The following SCRG1 variants were observed in gnomAD, a reference collection of about 807,000 sequenced individuals.
The protein encoded by SCRG1 is stimulator of chondrogenesis 1, also known as scrapie-responsive protein 1.
A neutral mutation model predicts 7.7 loss-of-function variants in SCRG1; 3 were observed. That is an observed-to-expected ratio of 0.39 (90% CI 0.18 to 1.01). The LOEUF is 1.01. Among genes scored for constraint, SCRG1 ranks in the 50% least tolerant of loss-of-function variants. The probability of loss-of-function intolerance (pLI) is 0.36; values close to 1 mark genes in which losing one functional copy is unlikely to be tolerated. For missense variants in SCRG1, 110 were observed against 117.2 expected, an observed-to-expected ratio of 0.94 and a Z score of 0.28; for synonymous variants, 46 against 41.2, an observed-to-expected ratio of 1.12 and a Z score of -0.44.
chr4:173,415,153 C>G, the SCRG1 span, among the ~76,000 whole-genome samples: 1 of 152,194 alleles, frequency 6.6e-6, no homozygotes, highest in Admixed American at 6.5e-5. Flanking sequence ...TGTGAATAGT[C>G]TCTCAAAATA....
At chr4:173,395,973 A>G (rs1739590977) in intron 1 of SCRG1, among the ~76,000 whole-genome samples, 1 of 152,232 alleles carries the variant, frequency 6.6e-6, no homozygotes, top group African/African-American at 2.4e-5. Context: ...CAGTAGCATG[A>G]TCTGATTTAT....
the SCRG1 span, among the ~76,000 whole-genome samples, chr4:173,464,889 C>G: frequency 3.3e-5 from 5 of 152,262 alleles, no homozygotes; most frequent in African/African-American, 4.8e-5. Flanking sequence ...TATGTACATG[C>G]AATGGGACAT....
At position 173,386,648 on chromosome 4, in the gene SCRG1, A is replaced by G. The variant is rs1022925222; in HGVS notation, c.*1693T>C. On this transcript the variant is annotated 3_prime_UTR_variant, in exon 3 of 3. Transcript: ENST00000296506. ...TCCAGAAACAGATCAGGGACCTCCA[A>G]GGATATATTTTAATGAAATAATGTC... 6.6e-6 allele frequency: 1 copy of G among 152,178 alleles called. No homozygotes were observed. Among genetic ancestry groups the G allele is most frequent in the African/African-American group, 2.4e-5 (1 of 41,450 alleles). The allele number at this position is 152,178 out of a possible 1,614,324, so 9.4% of individuals were successfully genotyped here.
At chr4:173,443,167 C>T in the SCRG1 span, among the ~76,000 whole-genome samples, 2 of 152,094 alleles carry the variant, frequency 1.3e-5, no homozygotes, top group African/African-American at 4.8e-5. Flanking sequence ...TACCTTCTAC[C>T]ATGAATGCTT....
At chr4:173,513,539 G>A in the SCRG1 span, among the ~76,000 whole-genome samples, 1 of 152,306 alleles carries the variant, frequency 6.6e-6, no homozygotes, top group East Asian at 1.9e-4. Flanking sequence ...ACCATTTCTA[G>A]GGAAAGGTCT....
the SCRG1 span, among the ~76,000 whole-genome samples, chr4:173,508,869 G>C: frequency 5.9e-5 from 9 of 152,170 alleles, no homozygotes; most frequent in African/African-American, 2.2e-4. The surrounding 1 kb of genome is among the most constrained non-coding windows in gnomAD (Gnocchi z 4.4). Context: ...GATAAGTGCC[G>C]CTACATTTGT....
At chr4:173,435,128 G>A in the SCRG1 span, among the ~76,000 whole-genome samples, 2,960 of 31,220 alleles carry the variant, frequency 0.095, 93 homozygotes, top group African/African-American at 0.17. Flanking sequence ...ATGTGTGTGT[G>A]TGTGTGTGTG....
At chr4:173,488,207 G>A in the SCRG1 span, among the ~76,000 whole-genome samples, 1 of 152,098 alleles carries the variant, frequency 6.6e-6, no homozygotes. Flanking sequence ...GCTAAGTGTT[G>A]GCTAAACTGG....
the SCRG1 span, among the ~76,000 whole-genome samples, chr4:173,519,059 C>A: frequency 1.3e-5 from 2 of 151,966 alleles, no homozygotes; most frequent in East Asian, 3.9e-4. Flanking sequence ...CCAGGCCCGC[C>A]ACGTCTACGC....
At chr4:173,484,996 A>C in the SCRG1 span, among the ~76,000 whole-genome samples, 308 of 33,434 alleles carry the variant, frequency 9.2e-3, 22 homozygotes, top group African/African-American at 0.04. Flanking sequence ...AATATATAAT[A>C]TATTATAAAT....
At chr4:173,486,252 T>C in the SCRG1 span, among the ~76,000 whole-genome samples, 1 of 152,212 alleles carries the variant, frequency 6.6e-6, no homozygotes, top group Non-Finnish European at 1.5e-5. Flanking sequence ...ATTTACATTT[T>C]GGTTTGTTAT....
the SCRG1 span, among the ~76,000 whole-genome samples, chr4:173,434,176 C>G: frequency 6.6e-6 from 1 of 152,168 alleles, no homozygotes; most frequent in Admixed American, 6.5e-5. Flanking sequence ...GCCTTGAATT[C>G]TTTCCTTGAA....
the SCRG1 span, among the ~76,000 whole-genome samples, chr4:173,438,581 GACT>G: frequency 6.6e-6 from 1 of 151,960 alleles, no homozygotes; most frequent in Non-Finnish European, 1.5e-5. Flanking sequence ...ATCAATCAAT[GACT>G]AATATATTAA....
chr4:173,510,730 C>A, the SCRG1 span, among the ~76,000 whole-genome samples: 9 of 152,118 alleles, frequency 5.9e-5, no homozygotes, highest in Admixed American at 5.9e-4. The surrounding 1 kb of genome is among the most constrained non-coding windows in gnomAD (Gnocchi z 5.7). Context: ...CAAGTACCCA[C>A]CCCGGCAACT....
chr4:173,412,938 C>A, the SCRG1 span, among the ~76,000 whole-genome samples: 5 of 152,136 alleles, frequency 3.3e-5, no homozygotes, highest in African/African-American at 7.2e-5. Context: ...AGGAAATACT[C>A]AATTTCCCCC....
chr4:173,440,598 G>A, the SCRG1 span, among the ~76,000 whole-genome samples: 1 of 152,224 alleles, frequency 6.6e-6, no homozygotes. Flanking sequence ...CCAATATGGT[G>A]TGGCAGTGTT....
the SCRG1 span, among the ~76,000 whole-genome samples, chr4:173,497,899 C>G: frequency 6.6e-6 from 1 of 152,038 alleles, no homozygotes; most frequent in Admixed American, 6.5e-5. Context: ...AGGCTGGTCT[C>G]GAACTCCGGA....
chr4:173,425,540 G>A, the SCRG1 span, among the ~76,000 whole-genome samples: 203 of 152,280 alleles, frequency 1.3e-3, no homozygotes, highest in African/African-American at 4.5e-3. Context: ...TCCCTAGGGG[G>A]CAGGTATGAT....
chr4:173,479,312 A>G, the SCRG1 span, among the ~76,000 whole-genome samples: 1 of 152,152 alleles, frequency 6.6e-6, no homozygotes, highest in Non-Finnish European at 1.5e-5. Flanking sequence ...GTAAAGGTTT[A>G]TTGTAGACAC....
Sources: gnomAD v4.1 joint callset for allele counts (sites outside exome capture counted in the v4.1 genomes callset) on GRCh38, gnomAD v4.1.1 for gene constraint, Gnocchi (gnomAD v3.1) non-coding constraint, MANE v1.5 for transcripts, NCBI Gene and HGNC (gene_info 2026-07-23, HGNC 2026-07-21) for gene names.